ZC3HAV1: variants seen among roughly 807,000 people sequenced by gnomAD.
ZC3HAV1 encodes zinc finger CCCH-type containing, antiviral 1, also known as zinc finger CCCH-type antiviral protein 1.
A neutral mutation model predicts 86.6 loss-of-function variants in ZC3HAV1; 41 were observed. The observed-to-expected ratio is 0.47, with a 90% confidence interval of 0.37 to 0.61. ZC3HAV1 has a LOEUF of 0.61. ZC3HAV1 is among the 20% of genes least tolerant of loss of function. The pLI is 0.00. For synonymous variants in ZC3HAV1, 421 were observed against 432.1 expected (o/e 0.97, Z 0.32); for missense variants, 964 against 1,141.1 (o/e 0.84, Z 2.24).
intron 7 of ZC3HAV1, among the ~76,000 whole-genome samples, chr7:139,066,917 T>C (rs574322733): frequency 2.6e-5 from 4 of 152,294 alleles, no homozygotes; most frequent in African/African-American, 9.6e-5. Flanking sequence ...AGAGATCATA[T>C]TAAAGTGCAG....
At chr7:139,075,366 T>TA in intron 6 of ZC3HAV1, among the ~76,000 whole-genome samples, 1 of 152,236 alleles carries the variant, frequency 6.6e-6, no homozygotes, top group Non-Finnish European at 1.5e-5. Flanking sequence ...CTTATATCCC[T>TA]GCACACCATA....
At position 139,079,893 on chromosome 7, in the gene ZC3HAV1, C is replaced by T; in HGVS notation, c.1048G>A (p.Ala350Thr). ...TTGGGGGCTGATGTTGAATTGGAAG[C>T]AAGGTAAGTGCTGCCTGGATTTCCA... ...LHGNPGSTYL[A>T]SNSTSAPNWK... The change falls in exon 4 of 13, where the codon GCT becomes ACT. Residue 350 changes from alanine (A) to threonine (T), a missense_variant. Coordinates refer to ENST00000242351, the MANE Select transcript of ZC3HAV1 (RefSeq NM_020119.4). The T allele has an allele frequency of 6.2e-7, 1 of 1,614,138 alleles. No individual in the cohort carries two copies.
intron 7 of ZC3HAV1, 40 bp from the exon 8 acceptor site, chr7:139,065,039 T>C (rs1816557776): frequency 5.0e-6 from 8 of 1,611,586 alleles, no homozygotes; most frequent in Non-Finnish European, 6.8e-6. Context: ...CAGGGTAGGC[T>C]TTTAGGAAAT....
rs1364521217 is a variant in ZC3HAV1, at chr7:139,074,033, G to A, written c.1698-3C>T. The A allele has an allele frequency of 6.2e-7, 1 of 1,609,960 alleles. No individual in the cohort carries two copies. The highest frequency in any genetic ancestry group is 1.1e-5 in the South Asian group (1 of 90,826). ...TTGTATAACTTCCTACAGAACAGCT[G>A]AGAGAGAAAAGTATTAAGTTAACAT... is the stretch of plus-strand genomic sequence containing the variant. On this transcript the variant is annotated splice_region_variant and splice_polypyrimidine_tract_variant and intron_variant, in intron 6 of 12. Transcript: ENST00000242351.
chr7:139,079,319 A>T, intron 4 of ZC3HAV1, 151 bp downstream of exon 4: 1 of 1,546,144 alleles, frequency 6.5e-7, no homozygotes, highest in Non-Finnish European at 8.7e-7. Flanking sequence ...AGTACGTAAC[A>T]TATCTTTTTC....
chr7:139,074,000 A>G lies in ZC3HAV1; in HGVS notation c.1728T>C (p.Phe576=). 1 of 1,613,368 alleles carries G rather than the reference A, an allele frequency of 6.2e-7. No homozygotes were observed. The highest frequency in any genetic ancestry group is 8.5e-7 in the Non-Finnish European group (1 of 1,179,486). The change falls in exon 7 of 13, where the codon TTT becomes TTC. Residue 576 remains phenylalanine, a synonymous_variant. Transcript: ENST00000242351. ...GAAAGGAATCACAACTCATTACCCGAAAATTGATTGTATAACTTCCTACAG... is the reference window on the plus strand; with the variant it reads ...GAAAGGAATCACAACTCATTACCCGGAAATTGATTGTATAACTTCCTACAG... ...LCSVGSYTIN[F]RVMSCDSFPI...
At chr7:139,055,175 C>G (rs374782347) in intron 10 of ZC3HAV1, 30 bp downstream of exon 10, 1 of 1,578,176 alleles carries the variant, frequency 6.3e-7, no homozygotes, top group African/African-American at 1.3e-5. Context: ...TTTTAACAGA[C>G]TCATCCACCA....
In ZC3HAV1 at chr7:139,072,437, T is replaced by A. The variant is rs190399450; in HGVS notation, c.1872+1419A>T. ...CTGACTTCAGGTGATCCACCCCACC[T>A]CGGCCTCCCAAAGTGCTGGGATTAC... On this transcript the variant is annotated intron_variant, in intron 7 of 12. Coordinates refer to ENST00000242351, the MANE Select transcript of ZC3HAV1 (RefSeq NM_020119.4). 7.4e-4 allele frequency among the ~76,000 whole-genome samples: 113 copies of A among 151,906 alleles called. 3 individuals carry two copies. The East Asian group carries it at 0.02, about 27-fold the overall frequency.
chr7:139,077,987 C>A (rs909468921), intron 5 of ZC3HAV1, among the ~76,000 whole-genome samples: 1 of 152,284 alleles, frequency 6.6e-6, no homozygotes, highest in African/African-American at 2.4e-5. Context: ...GCCTGTAATC[C>A]CAGCACTTTG....
At chr7:139,097,100 T>C (rs1305904998) in intron 1 of ZC3HAV1, among the ~76,000 whole-genome samples, 1 of 151,576 alleles carries the variant, frequency 6.6e-6, no homozygotes, top group Non-Finnish European at 1.5e-5. Context: ...ATCGTGCCAC[T>C]GCACTCCGGC....
intron 5 of ZC3HAV1, among the ~76,000 whole-genome samples, chr7:139,077,211 G>A (rs1056757878): frequency 1.3e-5 from 2 of 152,028 alleles, no homozygotes; most frequent in Non-Finnish European, 2.9e-5. Flanking sequence ...CTTACTTCAC[G>A]CAGTTTTCCC....
rs753356975 is a variant in ZC3HAV1, at chr7:139,109,028, C to G, written c.304G>C (p.Glu102Gln). 2.9e-5 allele frequency: 46 copies of G among 1,559,452 alleles called. 2 individuals carry two copies. The South Asian group carries it at 4.9e-4, about 17-fold the overall frequency. ...LLGRCNYSQS[E>Q]RNLCKYSHEV... ...CCTCCCTCCGGGTGCACTCACCGCT[C>G]GGACTGCGAATAGTTGCACCGGCCC... The change falls in exon 1 of 13, where the codon GAG becomes CAG. Residue 102 changes from glutamate (E) to glutamine (Q), a missense_variant. Glu to Gln is a conservative substitution (Grantham distance 29). Transcript: ENST00000242351.
chr7:139,075,139 C>A (rs1816899242), intron 6 of ZC3HAV1, among the ~76,000 whole-genome samples: 3 of 152,062 alleles, frequency 2.0e-5, no homozygotes, highest in African/African-American at 2.4e-5. Context: ...CAGAATCTGG[C>A]CCAAAACGTC....
intron 1 of ZC3HAV1, among the ~76,000 whole-genome samples, chr7:139,097,428 A>ATATATTTTTTT: frequency 7.9e-4 from 38 of 48,158 alleles, no homozygotes; most frequent in African/African-American, 4.2e-3. Context: ...ATATATATAT[A>ATATATTTTTTT]TTTTTTTTTT....
At chr7:139,104,889 T>C (rs1584877979) in intron 1 of ZC3HAV1, among the ~76,000 whole-genome samples, 1 of 147,152 alleles carries the variant, frequency 6.8e-6, no homozygotes, top group Non-Finnish European at 1.5e-5. Flanking sequence ...AAAAATTAGC[T>C]GGGTGTGGTG....
chr7:139,106,173 C>T (rs1817930862), intron 1 of ZC3HAV1, among the ~76,000 whole-genome samples: 1 of 152,028 alleles, frequency 6.6e-6, no homozygotes, highest in Admixed American at 6.6e-5. Flanking sequence ...GGTTAACAAC[C>T]CAATTAACGA....
At chr7:139,051,893 T>A (rs776566606) in intron 12 of ZC3HAV1, among the ~76,000 whole-genome samples, 1 of 152,188 alleles carries the variant, frequency 6.6e-6, no homozygotes, top group Admixed American at 6.5e-5. Flanking sequence ...AATTTAATCC[T>A]AGTTGTATGA....
At chr7:139,055,410 T>C (rs1286256191) in intron 9 of ZC3HAV1, 115 bp from the exon 10 acceptor site, 4 of 734,326 alleles carry the variant, frequency 5.4e-6, no homozygotes, top group Non-Finnish European at 6.5e-6. Context: ...ACAATATTTA[T>C]TTCTGTATTT....
chr7:139,102,932 G>GTA (rs1409150562), intron 1 of ZC3HAV1, among the ~76,000 whole-genome samples: 2 of 130,892 alleles, frequency 1.5e-5, no homozygotes, highest in Non-Finnish European at 3.2e-5. Flanking sequence ...AAAAAAAAAA[G>GTA]TATATATATA....
Sources: gnomAD v4.1 joint callset for allele counts (sites outside exome capture counted in the v4.1 genomes callset) on GRCh38, gnomAD v4.1.1 for gene constraint, MANE v1.5 for transcripts, NCBI Gene and HGNC (gene_info 2026-07-23, HGNC 2026-07-21) for gene names.